Variants in PRPF39 observed in about 807,000 individuals in gnomAD.
PRPF39 encodes pre-mRNA processing factor 39.
Under a neutral mutation model 82.1 loss-of-function variants are expected in PRPF39, and 27 were observed. The observed-to-expected ratio is 0.33, with a 90% confidence interval of 0.24 to 0.45. The LOEUF is 0.45. Ranked by LOEUF, PRPF39 falls within the 20% of genes least tolerant of loss-of-function variation. PRPF39 has a pLI of 1.00. For synonymous variants in PRPF39, 261 were observed against 256.4 expected (o/e 1.02, Z -0.17); for missense variants, 581 against 796.9 (o/e 0.73, Z 3.26).
chr14:45,108,359 G>A, intron 6 of PRPF39, 56 bp from the exon 7 acceptor site: 1 of 1,490,284 alleles, frequency 6.7e-7, no homozygotes, highest in Non-Finnish European at 8.9e-7. Context: ...CAGTGATATT[G>A]AAAATTTTCA....
rs559276585 is a variant in PRPF39 at position 45,095,183 on chromosome 14, AT to A, written c.-19-35del. ...GTTGAGGCCAAATAATTTTATTGGC[AT>A]TTGGAAGATATTTCTCTTTTTTTCG... is the stretch of plus-strand genomic sequence containing the variant. On this transcript the variant is annotated intron_variant, in intron 1 of 13. Transcript: ENST00000355765. 2,060 of 1,361,812 alleles carry A rather than the reference AT, an allele frequency of 1.5e-3. 5 individuals carry two copies. The highest frequency in any genetic ancestry group is 3.6e-3 in the Middle Eastern group (19 of 5,340). 84.4% of individuals were successfully genotyped at this position (1,361,812 alleles called of 1,614,324 possible).
At chr14:45,091,083 T>C (rs1884009448) in intron 1 of PRPF39, among the ~76,000 whole-genome samples, 1 of 151,956 alleles carries the variant, frequency 6.6e-6, no homozygotes, top group Non-Finnish European at 1.5e-5. Context: ...TAATAGAATC[T>C]TGCTCTGTCT....
intron 6 of PRPF39, 120 bp downstream of exon 6, chr14:45,107,736 G>A: frequency 1.0e-6 from 1 of 954,658 alleles, no homozygotes; most frequent in Non-Finnish European, 1.5e-6. Context: ...TGAGACCCAT[G>A]TAGGCAACAT....
intron 5 of PRPF39, among the ~76,000 whole-genome samples, chr14:45,103,427 T>G (rs540021304): frequency 5.0e-4 from 76 of 152,200 alleles, no homozygotes; most frequent in African/African-American, 1.8e-3. Context: ...ATGAGTAGTA[T>G]TGTATAAACT....
chr14:45,102,038 C>G (rs1445388852), intron 4 of PRPF39, among the ~76,000 whole-genome samples: 3 of 151,904 alleles, frequency 2.0e-5, no homozygotes, highest in Non-Finnish European at 2.9e-5. Flanking sequence ...AACTCCTGAC[C>G]TAAGGTGATC....
chr14:45,108,568 A>G (rs1225264529), intron 7 of PRPF39, 46 bp downstream of exon 7: 1 of 1,549,126 alleles, frequency 6.5e-7, no homozygotes, highest in Non-Finnish European at 8.6e-7. Flanking sequence ...CAAAGTAGGA[A>G]TAATTTATTT....
At position 45,114,885 on chromosome 14, in the gene PRPF39, G is replaced by T; in HGVS notation, c.1982G>T (p.Gly661Val). ...QYNYQNPWNYGQYYPPPPT is the reference protein window; with the variant it reads ...QYNYQNPWNYVQYYPPPPT ...AATTATCAGAATCCTTGGAATTATG[G>T]ACAATATTATCCTCCCCCTCCAACC... Residue 661 changes from glycine (G) to valine (V), a missense_variant, in exon 14 of 14, where the codon GGA becomes GTA. Gly to Val is a moderately radical substitution (Grantham distance 109, BLOSUM62 -3). Transcript: ENST00000355765. The T allele has an allele frequency of 6.2e-7, 1 of 1,600,278 alleles. No homozygotes were observed. Among genetic ancestry groups the T allele is most frequent in the Non-Finnish European group, 8.6e-7 (1 of 1,168,120 alleles).
rs1167367417 is a variant in PRPF39, at chr14:45,115,117, A to G, written c.*204A>G. 8.2e-6 allele frequency: 3 copies of G among 366,930 alleles called. No homozygotes were observed. The highest frequency in any genetic ancestry group is 4.9e-6 in the Non-Finnish European group (1 of 202,622). The allele number at this position is 366,930 out of a possible 1,614,324, so 22.7% of individuals were successfully genotyped here. Reference sequence around the variant, plus strand: ...CTGTTTCCTACCATTTATAAAATTTACTTTTTATTGAAAAACTATTTTTTG... The same window carrying G: ...CTGTTTCCTACCATTTATAAAATTTGCTTTTTATTGAAAAACTATTTTTTG... On this transcript the variant is annotated 3_prime_UTR_variant, in exon 14 of 14. Coordinates refer to ENST00000355765, the MANE Select transcript of PRPF39 (RefSeq NM_017922.4).
chr14:45,097,556 A>T (rs1884240061), intron 4 of PRPF39, among the ~76,000 whole-genome samples: 1 of 152,114 alleles, frequency 6.6e-6, no homozygotes, highest in African/African-American at 2.4e-5. Flanking sequence ...TTCCTTCAAA[A>T]ATGGTATCGA....
rs368992834 is a variant in PRPF39 at position 45,095,357 on chromosome 14, G to A, written c.118G>A (p.Glu40Lys). ...DFSTEIMNVT[E>K]MEQSPDDSPN... ...CAGTACTGAGATTATGAACGTTACA[G>A]AAATGGAACAGTCACCTGATGACTC... The change falls in exon 2 of 14, where the codon GAA becomes AAA. Residue 40 changes from glutamate to lysine, a missense_variant. Glu to Lys is a moderately conservative substitution (Grantham distance 56). Coordinates refer to ENST00000355765, the MANE Select transcript of PRPF39 (RefSeq NM_017922.4). 2 of 1,613,890 alleles carry A rather than the reference G, an allele frequency of 1.2e-6. No individual in the cohort carries two copies. The highest frequency in any genetic ancestry group is 1.7e-6 in the Non-Finnish European group (2 of 1,179,794).
chr14:45,116,066 T>G lies in PRPF39; in HGVS notation c.*1153T>G, dbSNP rs1884826599. On this transcript the variant is annotated 3_prime_UTR_variant, in exon 14 of 14. Transcript: ENST00000355765. ...AAAGCTGGGACCAAGTAAACAAATT[T>G]TATTAACTCCTTGAATTTTCCAGTT... The G allele has an allele frequency of 1.9e-5, 12 of 635,796 alleles. No individual in the cohort carries two copies. The South Asian group carries it at 2.5e-4, about 13-fold the overall frequency. The allele number at this position is 635,796 out of a possible 1,614,324, so 39.4% of individuals were successfully genotyped here.
intron 1 of PRPF39, among the ~76,000 whole-genome samples, chr14:45,087,753 T>G (rs1429228245): frequency 5.3e-5 from 8 of 150,068 alleles, no homozygotes; most frequent in Non-Finnish European, 1.2e-4. Flanking sequence ...TTTTTTTTTT[T>G]TTTTTTTGTA....
At chr14:45,092,930 CAACTTATAGCTGGCTTTTTAAAAAAAT>C (rs1167604157) in intron 1 of PRPF39, among the ~76,000 whole-genome samples, 1 of 151,590 alleles carries the variant, frequency 6.6e-6, no homozygotes, top group African/African-American at 2.4e-5. Flanking sequence ...TGTATCCAGT[CAACTTATAGCTGGCTTTTTAAAAAAAT>C]AACAAAAAAC....
intron 10 of PRPF39, 86 bp from the exon 11 acceptor site, chr14:45,112,232 T>G: frequency 8.7e-7 from 1 of 1,146,418 alleles, no homozygotes; most frequent in East Asian, 2.8e-5. Context: ...TTTTTCAAAT[T>G]GAGACATAAA....
At chr14:45,085,175 A>C (rs1426797217) in intron 1 of PRPF39, among the ~76,000 whole-genome samples, 1 of 152,176 alleles carries the variant, frequency 6.6e-6, no homozygotes, top group Non-Finnish European at 1.5e-5. Context: ...GAGTGAAAAG[A>C]ACAAGCGTCT....
chr14:45,108,307 A>G, intron 6 of PRPF39, 108 bp from the exon 7 acceptor site: 1 of 1,277,352 alleles, frequency 7.8e-7, no homozygotes, highest in Non-Finnish European at 1.0e-6. Flanking sequence ...ATCTACCACT[A>G]TTCTAAGACT....
rs371596879 is a variant in PRPF39, at chr14:45,107,463, T to C, written c.750T>C (p.His250=). ...YSHHFQRFKE[H]VQNNLPRDLL... ...TGTCTTCCTTTAGATTTAAAGAACA[T>C]GTACAGAATAATTTGCCTAGAGATC... The change falls in exon 6 of 14, where the codon CAT becomes CAC. Residue 250 remains histidine, a synonymous_variant. Transcript: ENST00000355765. 4.5e-6 allele frequency: 7 copies of C among 1,542,084 alleles called. No individual in the cohort carries two copies. In the African/African-American group the frequency reaches 5.5e-5, roughly 12 times the overall value.
At chr14:45,104,133 A>C (rs1316238493) in intron 5 of PRPF39, among the ~76,000 whole-genome samples, 1 of 152,034 alleles carries the variant, frequency 6.6e-6, no homozygotes, top group Non-Finnish European at 1.5e-5. Flanking sequence ...AGTTTTTGAT[A>C]TGTTCTCCTA....
At chr14:45,093,646 C>A (rs1298648120) in intron 1 of PRPF39, among the ~76,000 whole-genome samples, 2 of 151,788 alleles carry the variant, frequency 1.3e-5, no homozygotes, top group African/African-American at 4.8e-5. Flanking sequence ...CCCTCCTCCT[C>A]CCAGGTTCAA....
Sources: allele counts gnomAD v4.1 joint callset (sites outside exome capture counted in the v4.1 genomes callset), GRCh38; gene constraint gnomAD v4.1.1; transcripts MANE v1.5; gene names NCBI Gene and HGNC (gene_info 2026-07-23, HGNC 2026-07-21).